The following SIPA1L2 variants were observed in gnomAD, a reference collection of about 807,000 sequenced individuals.
The protein encoded by SIPA1L2 is signal induced proliferation associated 1 like 2, also known as signal-induced proliferation-associated 1-like protein 2.
A neutral mutation model predicts 163.9 loss-of-function variants in SIPA1L2; 56 were observed. That is an observed-to-expected ratio of 0.34 (90% CI 0.28 to 0.43). The LOEUF (loss-of-function observed/expected upper bound fraction) is 0.43. Ranked by LOEUF, SIPA1L2 falls within the 20% of genes least tolerant of loss-of-function variation. The pLI is 1.00. For missense variants in SIPA1L2, 1,974 were observed against 2,193.5 expected, an observed-to-expected ratio of 0.90 and a Z score of 2.00; for synonymous variants, 877 against 865.7, an observed-to-expected ratio of 1.01 and a Z score of -0.23.
chr1:232,590,796 C>T (rs891974293), intron 1 of SIPA1L2, among the ~76,000 whole-genome samples: 1 of 152,160 alleles, frequency 6.6e-6, no homozygotes, highest in African/African-American at 2.4e-5. Context: ...TCAGTCATAT[C>T]GAACAGTGAA....
At chr1:232,567,435 A>T (rs1659469934) in intron 2 of SIPA1L2, among the ~76,000 whole-genome samples, 1 of 152,230 alleles carries the variant, frequency 6.6e-6, no homozygotes, top group Admixed American at 6.5e-5. Flanking sequence ...TAATCAAGAT[A>T]TATAATAAAT....
At chr1:232,622,492 C>T (rs1309939255) in intron 1 of SIPA1L2, among the ~76,000 whole-genome samples, 1 of 152,214 alleles carries the variant, frequency 6.6e-6, no homozygotes, top group Non-Finnish European at 1.5e-5. Context: ...CTTGATTAAG[C>T]CCCAGCCAGG....
chr1:232,481,506 T>C (rs1223785924), intron 6 of SIPA1L2, among the ~76,000 whole-genome samples: 1 of 152,198 alleles, frequency 6.6e-6, no homozygotes, highest in African/African-American at 2.4e-5. Context: ...GATAATAATA[T>C]GTCTTTCTCA....
chr1:232,628,909 G>C (rs1392017330), intron 1 of SIPA1L2, among the ~76,000 whole-genome samples: 1 of 150,076 alleles, frequency 6.7e-6, no homozygotes, highest in Non-Finnish European at 1.5e-5. Context: ...GATTCTTTGA[G>C]GGTTTTTTTC....
intron 2 of SIPA1L2, among the ~76,000 whole-genome samples, chr1:232,564,145 T>TCGTGTGTGTGTGTGTGTG (rs1307515862): frequency 1.6e-5 from 1 of 64,168 alleles, no homozygotes; most frequent in African/African-American, 9.8e-5. Flanking sequence ...TTTTTTTTTT[T>TCGTGTGTGTGTGTGTGTG]TTTCGTGTGT....
intron 2 of SIPA1L2, among the ~76,000 whole-genome samples, chr1:232,537,221 C>T (rs184891918): frequency 2.5e-4 from 38 of 152,116 alleles, no homozygotes; most frequent in African/African-American, 8.7e-4. Context: ...TGGGTGACAA[C>T]GTGAGACCCT....
chr1:232,543,278 C>CT (rs1397984810), intron 2 of SIPA1L2, among the ~76,000 whole-genome samples: 1 of 152,194 alleles, frequency 6.6e-6, no homozygotes, highest in Non-Finnish European at 1.5e-5. Flanking sequence ...TACCAAAACA[C>CT]TTTTTGTCAT....
chr1:232,516,108 AT>A (rs1184065230), intron 2 of SIPA1L2, among the ~76,000 whole-genome samples: 1 of 152,246 alleles, frequency 6.6e-6, no homozygotes, highest in African/African-American at 2.4e-5. Flanking sequence ...GGGTTTCAGT[AT>A]TATTAGTTTA....
intron 18 of SIPA1L2, among the ~76,000 whole-genome samples, chr1:232,422,466 T>C (rs192618509): frequency 2.4e-4 from 37 of 152,296 alleles, no homozygotes; most frequent in Middle Eastern, 3.4e-3. Flanking sequence ...GTAGAAAAGG[T>C]GCAGAGATTA....
chr1:232,606,890 T>A (rs1661952062), intron 1 of SIPA1L2, among the ~76,000 whole-genome samples: 1 of 151,906 alleles, frequency 6.6e-6, no homozygotes, highest in Admixed American at 6.6e-5. Context: ...ATCTATTACA[T>A]CTATATCTAA....
intron 17 of SIPA1L2, among the ~76,000 whole-genome samples, chr1:232,426,608 CGA>C (rs1405836762): frequency 1.3e-5 from 2 of 151,964 alleles, no homozygotes; most frequent in Non-Finnish European, 2.9e-5. Context: ...TGCAGTGAGC[CGA>C]GATCGTGCCA....
intron 1 of SIPA1L2, among the ~76,000 whole-genome samples, chr1:232,576,156 A>G (rs1660067678): frequency 6.6e-6 from 1 of 152,214 alleles, no homozygotes; most frequent in Non-Finnish European, 1.5e-5. Flanking sequence ...GGACTCAGAC[A>G]CAGTACTAGG....
Position 232,532,829 on chromosome 1 carries a change from C to G in SIPA1L2, c.-269-17221G>C, listed in dbSNP as rs186939943. 2.6e-5 allele frequency among the ~76,000 whole-genome samples: 4 copies of G among 152,242 alleles called. No individual in the cohort carries two copies. In the East Asian group the frequency reaches 7.7e-4, roughly 29 times the overall value. On this transcript the variant is annotated intron_variant, in intron 2 of 22. Coordinates refer to ENST00000674635, the MANE Select transcript of SIPA1L2 (RefSeq NM_020808.5). ...AGATTTCATGTCCTTGTTAAAAACA[C>G]TGAGGTACAGCAGAGCAATGAGATG...
At position 232,514,908 on chromosome 1, in the gene SIPA1L2, G is replaced by C; in HGVS notation, c.432C>G (p.Ile144Met). 1 of 1,614,168 alleles carries C rather than the reference G, an allele frequency of 6.2e-7. No homozygotes were observed. Among genetic ancestry groups the C allele is most frequent in the Non-Finnish European group, 8.5e-7 (1 of 1,180,016 alleles). The change falls in exon 3 of 23, where the codon ATC becomes ATG. Residue 144 changes from isoleucine to methionine, a missense_variant. Coordinates refer to ENST00000674635, the MANE Select transcript of SIPA1L2 (RefSeq NM_020808.5). Reference protein sequence around the residue: ...FVEAKYTIGDIFVHSPQRGLH... With the variant: ...FVEAKYTIGDMFVHSPQRGLH... ...GTCCTCTTTGGGGGGAATGGACAAA[G>C]ATGTCTCCGATTGTGTACTTGGCCT...
chr1:232,606,329 C>G (rs1661918576), intron 1 of SIPA1L2, among the ~76,000 whole-genome samples: 1 of 152,046 alleles, frequency 6.6e-6, no homozygotes, highest in Admixed American at 6.6e-5. Flanking sequence ...TACAAATTAG[C>G]TAATTTTTAT....
intron 1 of SIPA1L2, among the ~76,000 whole-genome samples, chr1:232,621,836 C>T (rs1246854232): frequency 2.6e-5 from 4 of 151,946 alleles, no homozygotes; most frequent in South Asian, 2.1e-4. Context: ...CTCAAGGGAT[C>T]GGCCCTCCTC....
intron 19 of SIPA1L2, 144 bp from the exon 20 acceptor site, chr1:232,404,322 C>T: frequency 1.5e-6 from 1 of 669,308 alleles, no homozygotes; most frequent in Non-Finnish European, 2.6e-6. Flanking sequence ...TATCATGTAA[C>T]TCCAATGCAA....
At chr1:232,583,533 T>C (rs115284789) in intron 1 of SIPA1L2, among the ~76,000 whole-genome samples, 134 of 152,322 alleles carry the variant, frequency 8.8e-4, no homozygotes, top group African/African-American at 3.0e-3. Flanking sequence ...ATTCTCTGTG[T>C]AGGCTGAATA....
intron 1 of SIPA1L2, among the ~76,000 whole-genome samples, chr1:232,618,279 C>T (rs917446993): frequency 6.6e-5 from 10 of 152,264 alleles, no homozygotes; most frequent in Non-Finnish European, 1.0e-4. Context: ...GAACAACACC[C>T]CAGAGACCTG....
Sources: allele counts gnomAD v4.1 joint callset (sites outside exome capture counted in the v4.1 genomes callset), GRCh38; gene constraint gnomAD v4.1.1; transcripts MANE v1.5; gene names NCBI Gene and HGNC (gene_info 2026-07-23, HGNC 2026-07-21).